SUGCT: variants seen among roughly 807,000 people sequenced by gnomAD.
SUGCT encodes the protein succinyl-CoA:glutarate CoA-transferase.
Under a neutral mutation model 55.0 loss-of-function variants are expected in SUGCT, and 41 were observed. The observed-to-expected ratio is 0.74, with a 90% CI of 0.58 to 0.97. The LOEUF is 0.97. Among genes scored for constraint, SUGCT ranks in the 50% least tolerant of loss-of-function variants. SUGCT has a pLI of 0.00. For missense variants in SUGCT, 568 were observed against 547.8 expected, an observed-to-expected ratio of 1.04 and a Z score of -0.37; for synonymous variants, 187 against 200.4, an observed-to-expected ratio of 0.93 and a Z score of 0.56.
chr7:40,631,147 A>G (rs1180725962), intron 12 of SUGCT, among the ~76,000 whole-genome samples: 1 of 152,200 alleles, frequency 6.6e-6, no homozygotes, highest in Admixed American at 6.5e-5. Context: ...ATATGAAAAC[A>G]GGAGAGAGTA....
chr7:40,824,039 G>C (rs1416913811), intron 13 of SUGCT, among the ~76,000 whole-genome samples: 1 of 152,122 alleles, frequency 6.6e-6, no homozygotes, highest in Non-Finnish European at 1.5e-5. Context: ...GGAGTGGCTA[G>C]ATTAATGCAA....
the SUGCT span, among the ~76,000 whole-genome samples, chr7:40,975,889 A>G: frequency 6.6e-6 from 1 of 152,214 alleles, no homozygotes; most frequent in Non-Finnish European, 1.5e-5. Flanking sequence ...ACTTGGAAGT[A>G]AGAGTAGCTT....
intron 9 of SUGCT, among the ~76,000 whole-genome samples, chr7:40,368,845 T>C (rs969357830): frequency 6.6e-6 from 1 of 152,142 alleles, no homozygotes; most frequent in Non-Finnish European, 1.5e-5. Context: ...GGCTGACACC[T>C]GTAATTCCAG....
intron 9 of SUGCT, among the ~76,000 whole-genome samples, chr7:40,381,904 A>G (rs1055892062): frequency 6.6e-6 from 1 of 151,972 alleles, no homozygotes; most frequent in South Asian, 2.1e-4. Flanking sequence ...CTGCTGGACA[A>G]TTATTTCAGG....
chr7:40,940,742 C>G, the SUGCT span, among the ~76,000 whole-genome samples: 1 of 152,182 alleles, frequency 6.6e-6, no homozygotes, highest in Admixed American at 6.6e-5. Context: ...TAACCTGAGA[C>G]TTTATTGAAT....
At chr7:40,896,732 C>T in the SUGCT span, among the ~76,000 whole-genome samples, 5 of 152,142 alleles carry the variant, frequency 3.3e-5, no homozygotes, top group Non-Finnish European at 7.4e-5. Context: ...ATAAATTACC[C>T]AGTCTCAGGT....
At chr7:40,538,237 A>G (rs1230323571) in intron 12 of SUGCT, 6 of 152,222 alleles carry the variant, frequency 3.9e-5, no homozygotes, top group Non-Finnish European at 8.8e-5. Context: ...CAGTAAAGGT[A>G]ATGAACATAT....
At chr7:40,656,821 T>C (rs896479817) in intron 12 of SUGCT, among the ~76,000 whole-genome samples, 3 of 152,232 alleles carry the variant, frequency 2.0e-5, no homozygotes, top group African/African-American at 7.2e-5. Context: ...TGTGTTCCTG[T>C]GGTTTAGCCC....
the SUGCT span, among the ~76,000 whole-genome samples, chr7:40,908,633 C>G: frequency 6.6e-6 from 1 of 151,934 alleles, no homozygotes; most frequent in African/African-American, 2.4e-5. Context: ...TTTTCCTTAA[C>G]CTAGGAATTT....
chr7:40,205,574 G>C (rs1221960840), intron 6 of SUGCT, among the ~76,000 whole-genome samples: 3 of 149,610 alleles, frequency 2.0e-5, no homozygotes, highest in Admixed American at 6.7e-5. Flanking sequence ...CCTGGAGGCG[G>C]AGATTGCAGT....
chr7:40,728,031 A>G (rs1037685461), intron 12 of SUGCT, among the ~76,000 whole-genome samples: 1 of 152,190 alleles, frequency 6.6e-6, no homozygotes, highest in Admixed American at 6.6e-5. Flanking sequence ...ATTTTTATGC[A>G]TAAAGGTTTT....
chr7:40,314,439 AAAAT>A (rs1469903269), intron 8 of SUGCT, among the ~76,000 whole-genome samples: 1 of 152,214 alleles, frequency 6.6e-6, no homozygotes, highest in Middle Eastern at 3.2e-3. Context: ...TTTGAATGAA[AAAAT>A]AAATAAAAAG....
At chr7:40,488,958 A>G (rs1791534689) in intron 11 of SUGCT, among the ~76,000 whole-genome samples, 1 of 152,138 alleles carries the variant, frequency 6.6e-6, no homozygotes, top group South Asian at 2.1e-4. Context: ...GATTTTGATG[A>G]AATCTGTTTG....
rs35086809 is a variant in SUGCT at position 40,359,581 on chromosome 7, C to A, written c.816+42726C>A. Among the ~76,000 whole-genome samples the A allele has an allele frequency of 5.1e-3, 782 of 152,188 alleles. 4 individuals are homozygous for A. The highest frequency in any genetic ancestry group is 7.3e-3 in the Admixed American group (111 of 15,302). On this transcript the variant is annotated intron_variant, in intron 9 of 13. Coordinates refer to ENST00000335693, the MANE Select transcript of SUGCT (RefSeq NM_001193313.2). Reference sequence around the variant, plus strand: ...CAAGTTTCATGGTAACTCTTGTTTACCCCCATGATATAAGAGTAGAGAAAC... The same window carrying A: ...CAAGTTTCATGGTAACTCTTGTTTAACCCCATGATATAAGAGTAGAGAAAC...
Position 40,415,061 on chromosome 7 carries a change from A to ATCTATCT in SUGCT, c.817-34226_817-34225insTCTATCT, listed in dbSNP as rs59583043. ...CTCTGTCACAAAAAAAAAAAAAAAAAATCTATCTATCTATCTATCTATCTA... is the reference window on the plus strand; with the variant it reads ...CTCTGTCACAAAAAAAAAAAAAAAAATCTATCTATCTATCTATCTATCTATCTATCTA... On this transcript the variant is annotated intron_variant, in intron 9 of 13. Coordinates refer to ENST00000335693, the MANE Select transcript of SUGCT (RefSeq NM_001193313.2). Among the ~76,000 whole-genome samples, 146 of 63,604 alleles carry ATCTATCT rather than the reference A, an allele frequency of 2.3e-3. 1 individual carries two copies. The highest frequency in any genetic ancestry group is 5.2e-3 in the East Asian group (8 of 1,536). The allele number at this position is 63,604 out of a possible 152,430, so 41.7% of individuals were successfully genotyped here.
chr7:40,185,409 C>A (rs1410276108), intron 3 of SUGCT, among the ~76,000 whole-genome samples: 1 of 152,144 alleles, frequency 6.6e-6, no homozygotes, highest in African/African-American at 2.4e-5. Flanking sequence ...CCTCTTTGTA[C>A]TTTTTAGTTT....
At chr7:41,010,250 A>G in the SUGCT span, among the ~76,000 whole-genome samples, 1 of 152,240 alleles carries the variant, frequency 6.6e-6, no homozygotes, top group Non-Finnish European at 1.5e-5. Flanking sequence ...TGGCTTAGAT[A>G]CCAACACGTA....
the SUGCT span, among the ~76,000 whole-genome samples, chr7:41,001,405 C>A: frequency 6.6e-6 from 1 of 151,974 alleles, no homozygotes; most frequent in Non-Finnish European, 1.5e-5. Context: ...GAATAGAAGT[C>A]TTGTTGGAAT....
the SUGCT span, among the ~76,000 whole-genome samples, chr7:40,994,080 T>G: frequency 6.6e-6 from 1 of 152,070 alleles, no homozygotes; most frequent in Admixed American, 6.6e-5. Flanking sequence ...GAGAGAAAAG[T>G]GACAACTACT....
Sources: gnomAD v4.1 joint callset for allele counts (sites outside exome capture counted in the v4.1 genomes callset) on GRCh38, gnomAD v4.1.1 for gene constraint, MANE v1.5 for transcripts, NCBI Gene and HGNC (gene_info 2026-07-23, HGNC 2026-07-21) for gene names.